Variants in AUTS2 observed in about 807,000 individuals in gnomAD.
AUTS2 encodes the protein activator of transcription and developmental regulator AUTS2.
Under a neutral mutation model 112.4 loss-of-function variants are expected in AUTS2, and 17 were observed. The ratio of observed to expected loss-of-function variants is 0.15; its 90% confidence interval spans 0.10 to 0.23. The LOEUF (loss-of-function observed/expected upper bound fraction) is 0.23. Among genes scored for constraint, AUTS2 ranks in the 10% least tolerant of loss-of-function variants. The pLI is 1.00. For missense variants in AUTS2, 1,510 were observed against 1,701.6 expected (o/e 0.89, Z 1.98); for synonymous variants, 751 against 702.7 (o/e 1.07, Z -1.09).
At chr7:70,270,038 CA>C (rs201240486) in intron 4 of AUTS2, among the ~76,000 whole-genome samples, 14 of 150,586 alleles carry the variant, frequency 9.3e-5, no homozygotes, top group Admixed American at 3.3e-4. Flanking sequence ...GACCTTGTCT[CA>C]AAAAAAACAA....
intron 1 of AUTS2, among the ~76,000 whole-genome samples, chr7:69,645,508 C>A (rs1469242649): frequency 6.6e-6 from 1 of 152,100 alleles, no homozygotes; most frequent in Non-Finnish European, 1.5e-5. Flanking sequence ...ATAAATCTTA[C>A]CTTTTGTACA....
intron 2 of AUTS2, among the ~76,000 whole-genome samples, chr7:69,936,573 T>A (rs1796421737): frequency 6.6e-6 from 1 of 152,070 alleles, no homozygotes; most frequent in Non-Finnish European, 1.5e-5. Context: ...ATGGTCTCGA[T>A]CTCCTGACCT....
intron 4 of AUTS2, among the ~76,000 whole-genome samples, chr7:70,288,595 T>C (rs573647222): frequency 2.5e-4 from 38 of 152,198 alleles, no homozygotes; most frequent in African/African-American, 9.2e-4. Context: ...TGGAGATTTA[T>C]TAGGTGCTCT....
At chr7:69,787,106 C>T (rs1287669202) in intron 1 of AUTS2, among the ~76,000 whole-genome samples, 1 of 152,228 alleles carries the variant, frequency 6.6e-6, no homozygotes, top group Non-Finnish European at 1.5e-5. Flanking sequence ...AATTATGTTT[C>T]TCACAGAGCT....
chr7:70,648,986 A>C (rs780214203), intron 5 of AUTS2, among the ~76,000 whole-genome samples: 1 of 152,224 alleles, frequency 6.6e-6, no homozygotes, highest in African/African-American at 2.4e-5. Flanking sequence ...TCTTTTGAGG[A>C]AATTAGAGAG....
intron 1 of AUTS2, among the ~76,000 whole-genome samples, chr7:69,646,387 T>C (rs1402887039): frequency 2.0e-5 from 3 of 152,204 alleles, no homozygotes; most frequent in African/African-American, 4.8e-5. Flanking sequence ...TTTCATGACA[T>C]TTCAGAGTGA....
chr7:69,747,732 GTA>G (rs1030250435), intron 1 of AUTS2, among the ~76,000 whole-genome samples: 4 of 150,882 alleles, frequency 2.7e-5, no homozygotes, highest in African/African-American at 9.8e-5. Flanking sequence ...TTGTGTGTGT[GTA>G]TGTGTGTGTG....
At chr7:70,407,003 A>G (rs1351763936) in intron 4 of AUTS2, among the ~76,000 whole-genome samples, 1 of 152,214 alleles carries the variant, frequency 6.6e-6, no homozygotes, top group Non-Finnish European at 1.5e-5. Context: ...ATGGACATCA[A>G]GGACTTCCTG....
At chr7:69,614,804 G>A (rs1793277266) in intron 1 of AUTS2, among the ~76,000 whole-genome samples, 1 of 152,042 alleles carries the variant, frequency 6.6e-6, no homozygotes, top group Admixed American at 6.5e-5. Context: ...ATGAAGAGAG[G>A]TGGCAGTTTC....
chr7:70,750,787 C>A (rs185155017), intron 6 of AUTS2, among the ~76,000 whole-genome samples: 1 of 152,176 alleles, frequency 6.6e-6, no homozygotes, highest in African/African-American at 2.4e-5. Flanking sequence ...CAATGTGTGC[C>A]CCAAATCAGA....
chr7:69,813,569 T>A, intron 1 of AUTS2, among the ~76,000 whole-genome samples: 1 of 152,196 alleles, frequency 6.6e-6, no homozygotes, highest in East Asian at 1.9e-4. Context: ...TCAGAATCGT[T>A]GTGAAGAGTA....
chr7:70,240,012 A>G (rs1812528221), intron 4 of AUTS2, among the ~76,000 whole-genome samples: 1 of 152,142 alleles, frequency 6.6e-6, no homozygotes. Flanking sequence ...GAATATTATA[A>G]TCAGAGATGT....
At chr7:69,680,015 G>T (rs563362737) in intron 1 of AUTS2, among the ~76,000 whole-genome samples, 3 of 151,760 alleles carry the variant, frequency 2.0e-5, no homozygotes, top group Non-Finnish European at 2.9e-5. Context: ...TTATATACTT[G>T]TCTCTACATA....
At chr7:69,955,420 T>C (rs1022412617) in intron 2 of AUTS2, among the ~76,000 whole-genome samples, 11 of 152,186 alleles carry the variant, frequency 7.2e-5, no homozygotes, top group African/African-American at 2.4e-4. Context: ...TCTGTTGTGC[T>C]GAACCTCTAT....
At chr7:69,622,973 C>T (rs1474838358) in intron 1 of AUTS2, among the ~76,000 whole-genome samples, 4 of 152,160 alleles carry the variant, frequency 2.6e-5, no homozygotes, top group Admixed American at 1.3e-4. Context: ...TTTGTAGAGA[C>T]GGAGTCTCCT....
At chr7:70,025,904 C>T (rs1014631605) in intron 2 of AUTS2, among the ~76,000 whole-genome samples, 1 of 151,484 alleles carries the variant, frequency 6.6e-6, no homozygotes, top group Non-Finnish European at 1.5e-5. Flanking sequence ...TTGGCATTTC[C>T]TACAGCTTTC....
At chr7:70,444,565 G>T (rs1796248808) in intron 5 of AUTS2, among the ~76,000 whole-genome samples, 1 of 152,046 alleles carries the variant, frequency 6.6e-6, no homozygotes, top group South Asian at 2.1e-4. Flanking sequence ...CAAATGAATG[G>T]ACTTCTGTTT....
intron 4 of AUTS2, among the ~76,000 whole-genome samples, chr7:70,181,184 T>G (rs1313400059): frequency 6.6e-6 from 1 of 152,238 alleles, no homozygotes; most frequent in African/African-American, 2.4e-5. Context: ...ATGCCACCAT[T>G]TATTCTATTT....
At chr7:70,105,742 A>C (rs1288052880) in intron 2 of AUTS2, among the ~76,000 whole-genome samples, 2 of 152,058 alleles carry the variant, frequency 1.3e-5, no homozygotes, top group Non-Finnish European at 2.9e-5. Context: ...TTAAGTTCTT[A>C]CCCCCAAAAT....
Sources: allele counts gnomAD v4.1 joint callset (sites outside exome capture counted in the v4.1 genomes callset), GRCh38; gene constraint gnomAD v4.1.1; transcripts MANE v1.5; gene names NCBI Gene and HGNC (gene_info 2026-07-23, HGNC 2026-07-21).